Variants in DDHD1 observed in about 807,000 individuals in gnomAD.
The protein encoded by DDHD1 is phospholipase DDHD1.
In DDHD1, 49 loss-of-function variants were observed where a neutral mutation model predicts 96.4. The ratio of observed to expected loss-of-function variants is 0.51; its 90% CI spans 0.40 to 0.64. The LOEUF is 0.64. Ranked by LOEUF, DDHD1 falls within the 30% of genes least tolerant of loss-of-function variation. The probability of loss-of-function intolerance (pLI) is 0.00; values close to 1 mark genes in which losing one functional copy is unlikely to be tolerated. For synonymous variants in DDHD1, 442 were observed against 446.5 expected (o/e 0.99, Z 0.13); for missense variants, 1,106 against 1,161.2 (o/e 0.95, Z 0.69).
chr14:53,045,981 A>C lies in DDHD1; in HGVS notation c.*787T>G, dbSNP rs1881979603. On this transcript the variant is annotated 3_prime_UTR_variant, in exon 13 of 13. Coordinates refer to ENST00000673822, the MANE Select transcript of DDHD1 (RefSeq NM_001160148.2). Reference sequence around the variant, plus strand: ...GAAACTTTAGCTTTCTCTGAAGTACATGTAACATAATAAAAAGTTTATTTA... The same window carrying C: ...GAAACTTTAGCTTTCTCTGAAGTACCTGTAACATAATAAAAAGTTTATTTA... The C allele has an allele frequency of 6.6e-6, 1 of 152,240 alleles. No individual in the cohort carries two copies. The highest frequency in any genetic ancestry group is 6.5e-5 in the Admixed American group (1 of 15,290). 9.4% of individuals were successfully genotyped at this position (152,240 alleles called of 1,614,324 possible).
intron 4 of DDHD1, among the ~76,000 whole-genome samples, chr14:53,074,063 A>T: frequency 6.6e-6 from 1 of 152,010 alleles, no homozygotes; most frequent in Non-Finnish European, 1.5e-5. Flanking sequence ...TATGATTTCA[A>T]ATATTCTAAG....
At chr14:53,091,017 T>C (rs1886389710) in intron 4 of DDHD1, among the ~76,000 whole-genome samples, 1 of 152,228 alleles carries the variant, frequency 6.6e-6, no homozygotes, top group African/African-American at 2.4e-5. Context: ...TCACACACTG[T>C]TTGCTTTATA....
At chr14:53,125,538 A>G (rs1032171837) in intron 1 of DDHD1, among the ~76,000 whole-genome samples, 1 of 152,204 alleles carries the variant, frequency 6.6e-6, no homozygotes, top group Admixed American at 6.5e-5. Flanking sequence ...TATTAAAATC[A>G]AAAGAATATG....
At chr14:53,123,406 C>G (rs1041007119) in intron 1 of DDHD1, among the ~76,000 whole-genome samples, 2 of 151,930 alleles carry the variant, frequency 1.3e-5, no homozygotes, top group Non-Finnish European at 2.9e-5. Context: ...CCTCGGCCAC[C>G]CAAAGTGCTG....
chr14:53,058,868 T>C (rs968705224), intron 8 of DDHD1, among the ~76,000 whole-genome samples: 4 of 152,200 alleles, frequency 2.6e-5, no homozygotes, highest in South Asian at 4.1e-4. Flanking sequence ...AAGATAAGGA[T>C]CATTTTCTTA....
chr14:53,145,159 A>T (rs981381978), intron 1 of DDHD1, among the ~76,000 whole-genome samples: 1 of 151,878 alleles, frequency 6.6e-6, no homozygotes, highest in Non-Finnish European at 1.5e-5. Flanking sequence ...CAAAAATAAT[A>T]AAAAAAATAA....
At chr14:53,056,058 T>A (rs2139841162) in intron 9 of DDHD1, 146 bp from the exon 10 acceptor site, 1 of 694,872 alleles carries the variant, frequency 1.4e-6, no homozygotes, top group East Asian at 2.7e-5. Flanking sequence ...AAACATGTAT[T>A]TCTATTTGTT....
chr14:53,047,730 C>A (rs1429465204), intron 12 of DDHD1, among the ~76,000 whole-genome samples: 1 of 152,136 alleles, frequency 6.6e-6, no homozygotes, highest in Non-Finnish European at 1.5e-5. Context: ...AAAGTCCTTG[C>A]GATTACCTGT....
chr14:53,111,066 G>A (rs1228094852), intron 1 of DDHD1, among the ~76,000 whole-genome samples: 1 of 152,100 alleles, frequency 6.6e-6, no homozygotes, highest in Non-Finnish European at 1.5e-5. Context: ...GAAGAACATG[G>A]GTTCTTCTTG....
chr14:53,103,871 TCACAGAATTATA>T lies in DDHD1; in HGVS notation c.839-27_839-16del. On this transcript the variant is annotated splice_polypyrimidine_tract_variant and intron_variant, in intron 1 of 12. Transcript: ENST00000673822. ...TTTATCAGCCTCTGAAAAAGAGAAATCACAGAATTATACACATTTTAAGATTCAACTTCCCCA... is the reference window on the plus strand; with the variant it reads ...TTTATCAGCCTCTGAAAAAGAGAAATCACATTTTAAGATTCAACTTCCCCA... 1 of 1,583,896 alleles carries T rather than the reference TCACAGAATTATA, an allele frequency of 6.3e-7. No homozygotes were observed.
intron 11 of DDHD1, chr14:53,053,092 C>T (rs1156888449): frequency 6.6e-6 from 1 of 152,060 alleles, no homozygotes; most frequent in Non-Finnish European, 1.5e-5. Flanking sequence ...TGCTCCCTCC[C>T]TCACTCTGAT....
At chr14:53,117,609 G>A (rs947765260) in intron 1 of DDHD1, among the ~76,000 whole-genome samples, 3 of 152,096 alleles carry the variant, frequency 2.0e-5, no homozygotes, top group Non-Finnish European at 4.4e-5. Flanking sequence ...ATCTGCCATT[G>A]CTGGGGCTTA....
intron 6 of DDHD1, among the ~76,000 whole-genome samples, chr14:53,071,475 C>T (rs1216622647): frequency 6.6e-6 from 1 of 152,006 alleles, no homozygotes; most frequent in African/African-American, 2.4e-5. Context: ...CACAGACTCC[C>T]CCTTGTACAA....
At chr14:53,085,424 A>C (rs1043997179) in intron 4 of DDHD1, among the ~76,000 whole-genome samples, 1 of 152,196 alleles carries the variant, frequency 6.6e-6, no homozygotes, top group Non-Finnish European at 1.5e-5. Context: ...CGAAGCTTCC[A>C]GAGGAATGAT....
At position 53,152,136 on chromosome 14, in the gene DDHD1, G is replaced by GGT; in HGVS notation, c.838+124_838+125insAC. On this transcript the variant is annotated intron_variant, in intron 1 of 12. Transcript: ENST00000673822. ...ACGCTCCCTGCTCAATCTCCATCCTGCCCCAGCCAAACGCCAGGCCTCACG... is the reference window on the plus strand; with the variant it reads ...ACGCTCCCTGCTCAATCTCCATCCTGGTCCCCAGCCAAACGCCAGGCCTCACG... The GGT allele has an allele frequency of 6.2e-6, 6 of 962,760 alleles. No individual in the cohort carries two copies. The South Asian group carries it at 6.3e-5, about 10-fold the overall frequency. The allele number at this position is 962,760 out of a possible 1,614,324, so 59.6% of individuals were successfully genotyped here.
At chr14:53,127,822 C>T (rs1178372756) in intron 1 of DDHD1, among the ~76,000 whole-genome samples, 2 of 152,104 alleles carry the variant, frequency 1.3e-5, no homozygotes, top group Non-Finnish European at 2.9e-5. Flanking sequence ...AAAATAGATC[C>T]TTAAGAGTCT....
chr14:53,121,013 G>A (rs894357462), intron 1 of DDHD1, among the ~76,000 whole-genome samples: 2 of 152,024 alleles, frequency 1.3e-5, no homozygotes, highest in African/African-American at 4.8e-5. Context: ...GCAACCTACA[G>A]AATGGGAGAA....
intron 4 of DDHD1, among the ~76,000 whole-genome samples, chr14:53,078,701 T>C (rs1201725947): frequency 6.6e-6 from 1 of 152,212 alleles, no homozygotes. Context: ...TTTATTTCTT[T>C]TCTTGCTTAA....
chr14:53,041,224 T>A lies in DDHD1; in HGVS notation c.*5544A>T, dbSNP rs549142967. 6.6e-6 allele frequency: 1 copy of A among 152,224 alleles called. No individual in the cohort carries two copies. Among genetic ancestry groups the A allele is most frequent in the East Asian group, 1.9e-4 (1 of 5,180 alleles). The allele number at this position is 152,224 out of a possible 1,614,324, so 9.4% of individuals were successfully genotyped here. ...ATATTCCCCAACATATCCTGACAAC[T>A]GTTGGGTGGGGAGGAAGCAAGTTGT... On this transcript the variant is annotated 3_prime_UTR_variant, in exon 13 of 13. Coordinates refer to ENST00000673822, the MANE Select transcript of DDHD1 (RefSeq NM_001160148.2).
Sources: allele counts gnomAD v4.1 joint callset (sites outside exome capture counted in the v4.1 genomes callset), GRCh38; gene constraint gnomAD v4.1.1; transcripts MANE v1.5; gene names NCBI Gene and HGNC (gene_info 2026-07-23, HGNC 2026-07-21).